ROBO2: variants seen among roughly 807,000 people sequenced by gnomAD.
ROBO2 encodes roundabout homolog 2.
ROBO2 carries 53 observed loss-of-function variants against 160.8 expected under a neutral mutation model. The observed-to-expected ratio is 0.33, with a 90% CI of 0.26 to 0.41. The LOEUF is 0.41. ROBO2 is among the 10% of genes least tolerant of loss of function. The probability of loss-of-function intolerance (pLI) is 1.00; values close to 1 mark genes in which losing one functional copy is unlikely to be tolerated. For missense variants in ROBO2, 1,577 were observed against 1,722.4 expected (o/e 0.92, Z 1.49); for synonymous variants, 664 against 611.7 (o/e 1.09, Z -1.26).
chr3:77,329,576 T>A (rs546413760), intron 2 of ROBO2, among the ~76,000 whole-genome samples: 1 of 152,298 alleles, frequency 6.6e-6, no homozygotes, highest in South Asian at 2.1e-4. Flanking sequence ...AACAAAGAGT[T>A]CAGTGTAGTG....
chr3:76,081,974 A>C (rs1025338805), intron 2 of ROBO2, among the ~76,000 whole-genome samples: 5 of 152,160 alleles, frequency 3.3e-5, no homozygotes, highest in Non-Finnish European at 7.4e-5. Flanking sequence ...ATTAGAATCA[A>C]GCCACAGATT....
At chr3:75,930,849 A>C (rs746773893) in intron 1 of ROBO2, among the ~76,000 whole-genome samples, 29 of 152,218 alleles carry the variant, frequency 1.9e-4, no homozygotes, top group Non-Finnish European at 2.9e-4. Context: ...CAGTGTCCCC[A>C]GCCTAGCCAG....
At position 76,725,085 on chromosome 3, in the gene ROBO2, G is replaced by A. The variant is rs551645735; in HGVS notation, c.110-372929G>A. 3.3e-5 allele frequency among the ~76,000 whole-genome samples: 5 copies of A among 152,222 alleles called. No homozygotes were observed. The South Asian group carries it at 6.2e-4, about 19-fold the overall frequency. On this transcript the variant is annotated intron_variant, in intron 2 of 26. Coordinates refer to the ROBO2 transcript ENST00000487694. The stretch of plus-strand genomic sequence containing the variant: ...TACTGATTTCAGACTTCTGCCCTCC[G>A]TAACTGTGAGAAAATAAGTTTGTTG...
At chr3:76,325,985 G>A (rs1283295423) in intron 2 of ROBO2, among the ~76,000 whole-genome samples, 1 of 152,106 alleles carries the variant, frequency 6.6e-6, no homozygotes, top group Admixed American at 6.5e-5. Context: ...AATGAACCTT[G>A]TGTCTTTAAA....
intron 2 of ROBO2, among the ~76,000 whole-genome samples, chr3:76,855,193 T>C (rs1284228030): frequency 2.0e-5 from 3 of 152,238 alleles, no homozygotes; most frequent in African/African-American, 7.2e-5. Flanking sequence ...ACAAACTGAT[T>C]GAAGTAGTTT....
Position 76,575,468 on chromosome 3 carries a change from T to A in ROBO2, c.110-522546T>A, listed in dbSNP as rs1308297729. The stretch of plus-strand genomic sequence containing the variant: ...TACCCTATAATCACCATGCTAATTA[T>A]ACGGTTTTTGAAAATGTTCAAACTG... On this transcript the variant is annotated intron_variant, in intron 2 of 26. Transcript: ENST00000487694. Among the ~76,000 whole-genome samples, 3 of 152,070 alleles carry A rather than the reference T, an allele frequency of 2.0e-5. No homozygotes were observed. In the South Asian group the frequency reaches 6.2e-4, roughly 31 times the overall value.
At position 76,658,489 on chromosome 3, in the gene ROBO2, C is replaced by T. The variant is rs112107352; in HGVS notation, c.110-439525C>T. Reference sequence around the variant, plus strand: ...CTCCTAATGCTCTCCCTCCCCTAGCCTCGCACCCCGCAACAGGCCCCGGCA... The same window carrying T: ...CTCCTAATGCTCTCCCTCCCCTAGCTTCGCACCCCGCAACAGGCCCCGGCA... On this transcript the variant is annotated intron_variant, in intron 2 of 26. Coordinates refer to the ROBO2 transcript ENST00000487694. Among the ~76,000 whole-genome samples, 1,079 of 152,200 alleles carry T rather than the reference C, an allele frequency of 7.1e-3. 14 individuals carry two copies. Among genetic ancestry groups the T allele is most frequent in the African/African-American group, 0.025 (1,032 of 41,504 alleles).
rs1370339576 is a variant in ROBO2, at chr3:76,577,333, C to T, written c.110-520681C>T. On this transcript the variant is annotated intron_variant, in intron 2 of 26. Transcript: ENST00000487694. ...TTTCTTTATCCTCCATACCCAGCTCCATAATAAATTGGGAAACATAATTAT... is the reference window on the plus strand; with the variant it reads ...TTTCTTTATCCTCCATACCCAGCTCTATAATAAATTGGGAAACATAATTAT... Among the ~76,000 whole-genome samples, 3 of 152,114 alleles carry T rather than the reference C, an allele frequency of 2.0e-5. 1 individual carries two copies. In the East Asian group the frequency reaches 5.8e-4, roughly 29 times the overall value.
At chr3:76,892,858 C>T (rs138057963) in intron 2 of ROBO2, among the ~76,000 whole-genome samples, 3 of 152,246 alleles carry the variant, frequency 2.0e-5, no homozygotes, top group Admixed American at 6.5e-5. Flanking sequence ...TATAAGACGT[C>T]CTTTCCAGTT....
At chr3:76,873,141 A>G (rs2072301269) in intron 2 of ROBO2, among the ~76,000 whole-genome samples, 1 of 152,218 alleles carries the variant, frequency 6.6e-6, no homozygotes, top group African/African-American at 2.4e-5. Context: ...TTTAGTGCAC[A>G]TTAAACATTA....
chr3:76,423,562 A>C (rs927631644), intron 2 of ROBO2, among the ~76,000 whole-genome samples: 2 of 152,196 alleles, frequency 1.3e-5, no homozygotes, highest in African/African-American at 4.8e-5. Context: ...CAGGTTAGAA[A>C]ATAGGAAAGC....
chr3:76,424,643 C>A (rs560422682), intron 2 of ROBO2, among the ~76,000 whole-genome samples: 1 of 151,952 alleles, frequency 6.6e-6, no homozygotes, highest in East Asian at 1.9e-4. Context: ...GAGGTTAGAT[C>A]GTATATTAAG....
chr3:77,459,318 C>G (rs2081999428), intron 2 of ROBO2, among the ~76,000 whole-genome samples: 1 of 152,120 alleles, frequency 6.6e-6, no homozygotes, highest in Non-Finnish European at 1.5e-5. Context: ...AACAATTAGA[C>G]CAATATAAGG....
intron 2 of ROBO2, among the ~76,000 whole-genome samples, chr3:76,429,766 G>A (rs1199419685): frequency 6.6e-6 from 1 of 152,070 alleles, no homozygotes; most frequent in East Asian, 1.9e-4. Flanking sequence ...TATAAATCAG[G>A]GGGCACATTT....
chr3:76,598,167 G>A (rs767917972), intron 2 of ROBO2, among the ~76,000 whole-genome samples: 37 of 151,510 alleles, frequency 2.4e-4, no homozygotes, highest in Non-Finnish European at 4.9e-4. Flanking sequence ...AAAAAAAGGC[G>A]AGCCCAAAAG....
chr3:76,596,295 A>G (rs770816679), intron 2 of ROBO2, among the ~76,000 whole-genome samples: 1 of 152,162 alleles, frequency 6.6e-6, no homozygotes. Context: ...CAATGCTTAC[A>G]GTATTATTGT....
intron 2 of ROBO2, among the ~76,000 whole-genome samples, chr3:76,606,874 A>C (rs2087702865): frequency 6.6e-6 from 1 of 152,140 alleles, no homozygotes; most frequent in African/African-American, 2.4e-5. Context: ...TATTTTCAAT[A>C]AGAATCATTA....
At chr3:76,006,526 C>T (rs1262235109) in intron 2 of ROBO2, among the ~76,000 whole-genome samples, 2 of 152,126 alleles carry the variant, frequency 1.3e-5, no homozygotes, top group Admixed American at 1.3e-4. Flanking sequence ...ACCTATCCTT[C>T]TTTTGTTTTC....
At chr3:76,976,289 C>T (rs1194912008) in intron 2 of ROBO2, among the ~76,000 whole-genome samples, 3 of 152,098 alleles carry the variant, frequency 2.0e-5, no homozygotes, top group African/African-American at 4.8e-5. Flanking sequence ...ACACAATACC[C>T]CATAGTTAGG....
Sources: gnomAD v4.1 joint callset for allele counts (sites outside exome capture counted in the v4.1 genomes callset) on GRCh38, gnomAD v4.1.1 for gene constraint, MANE v1.5 for transcripts, NCBI Gene and HGNC (gene_info 2026-07-23, HGNC 2026-07-21) for gene names.